PPP2R2B: variants seen among roughly 807,000 people sequenced by gnomAD.
PPP2R2B encodes the protein serine/threonine-protein phosphatase 2A 55 kDa regulatory subunit B beta isoform.
A neutral mutation model predicts 46.0 loss-of-function variants in PPP2R2B; 5 were observed. That is an observed-to-expected ratio of 0.11 (90% confidence interval 0.06 to 0.23). The LOEUF is 0.23. Ranked by LOEUF, PPP2R2B falls within the 10% of genes least tolerant of loss-of-function variation. The probability of loss-of-function intolerance (pLI) is 1.00; values close to 1 mark genes in which losing one functional copy is unlikely to be tolerated. For synonymous variants in PPP2R2B, 215 were observed against 206.7 expected, an observed-to-expected ratio of 1.04 and a Z score of -0.34; for missense variants, 367 against 575.0, an observed-to-expected ratio of 0.64 and a Z score of 3.70.
At chr5:146,885,811 A>C (rs1195340823) in intron 1 of PPP2R2B, among the ~76,000 whole-genome samples, 3 of 152,242 alleles carry the variant, frequency 2.0e-5, no homozygotes, top group Non-Finnish European at 2.9e-5. Flanking sequence ...CGAAGTATTG[A>C]AACATGCCAC....
At chr5:146,911,518 A>G (rs1166646099) in intron 1 of PPP2R2B, among the ~76,000 whole-genome samples, 1 of 152,218 alleles carries the variant, frequency 6.6e-6, no homozygotes, top group Non-Finnish European at 1.5e-5. Context: ...TTGGCAATTT[A>G]TCCTCACCAC....
At chr5:146,628,256 A>AT (rs1774193926) in intron 7 of PPP2R2B, among the ~76,000 whole-genome samples, 1 of 152,164 alleles carries the variant, frequency 6.6e-6, no homozygotes, top group Non-Finnish European at 1.5e-5. Context: ...AACATCTCAG[A>AT]TTTTAAGGTC....
chr5:147,081,129 C>G, exon 2 of PPP2R2B: 1 of 1,535,620 alleles, frequency 6.5e-7, no homozygotes, highest in South Asian at 1.2e-5. Flanking sequence ...GGGTGAGTGT[C>G]CCAATTCCTG....
intron 5 of PPP2R2B, among the ~76,000 whole-genome samples, chr5:146,657,799 A>G (rs1311356133): frequency 1.3e-5 from 2 of 152,168 alleles, no homozygotes; most frequent in South Asian, 2.1e-4. Flanking sequence ...ATTGCTGTCA[A>G]TTTAAATCCA....
At chr5:146,921,181 A>T (rs1582431068) in intron 1 of PPP2R2B, among the ~76,000 whole-genome samples, 1 of 152,058 alleles carries the variant, frequency 6.6e-6, no homozygotes, top group African/African-American at 2.4e-5. Context: ...ATTTTGAAAA[A>T]CCCCATAAAG....
At chr5:146,675,645 T>C (rs766565750) in intron 5 of PPP2R2B, among the ~76,000 whole-genome samples, 4 of 152,212 alleles carry the variant, frequency 2.6e-5, no homozygotes, top group Non-Finnish European at 5.9e-5. Flanking sequence ...TAAATGCTGT[T>C]AGCAAATGCC....
intron 2 of PPP2R2B, among the ~76,000 whole-genome samples, chr5:146,820,940 C>G (rs899892708): frequency 7.2e-5 from 11 of 152,078 alleles, no homozygotes; most frequent in African/African-American, 2.4e-4. Context: ...CACGCCATGC[C>G]CTCTGCACTG....
At chr5:146,795,976 C>A (rs1033357195) in intron 2 of PPP2R2B, among the ~76,000 whole-genome samples, 1 of 152,066 alleles carries the variant, frequency 6.6e-6, no homozygotes, top group African/African-American at 2.4e-5. Context: ...TATAAACATG[C>A]CTGCATATAG....
chr5:147,065,283 T>A, intron 2 of PPP2R2B, among the ~76,000 whole-genome samples: 1 of 152,004 alleles, frequency 6.6e-6, no homozygotes, highest in East Asian at 1.9e-4. Flanking sequence ...ACACTGAGAT[T>A]TGAATGATGA....
intron 2 of PPP2R2B, among the ~76,000 whole-genome samples, chr5:146,869,630 G>T (rs1315998298): frequency 1.3e-5 from 2 of 152,314 alleles, no homozygotes; most frequent in African/African-American, 4.8e-5. Flanking sequence ...TGGCTCTGAG[G>T]AAGTCTACCA....
Position 146,589,775 on chromosome 5 carries a change from AG to A in PPP2R2B, c.*171del, listed in dbSNP as rs1351784664. 9.2e-5 allele frequency: 65 copies of A among 704,304 alleles called. 1 individual carries two copies. The highest frequency in any genetic ancestry group is 4.3e-4 in the South Asian group (22 of 51,330). The allele number at this position is 704,304 out of a possible 1,614,324, so 43.6% of individuals were successfully genotyped here. The stretch of plus-strand genomic sequence containing the variant: ...TCCCAAACCTATTGGGTTTGACAAA[AG>A]TTTCTTAGAACTGGGGAGCTGGGAA... On this transcript the variant is annotated 3_prime_UTR_variant, in exon 10 of 10. Transcript: ENST00000394411.
At chr5:146,753,421 G>A (rs538709708) in intron 2 of PPP2R2B, among the ~76,000 whole-genome samples, 34 of 152,310 alleles carry the variant, frequency 2.2e-4, no homozygotes, top group African/African-American at 7.7e-4. Flanking sequence ...ATAAATAAGT[G>A]CTGGTTGCCT....
chr5:147,031,027 G>C (rs916459880), intron 1 of PPP2R2B, among the ~76,000 whole-genome samples: 1 of 152,084 alleles, frequency 6.6e-6, no homozygotes, highest in Non-Finnish European at 1.5e-5. Flanking sequence ...ACGAGGTCAG[G>C]AGATCGAGAC....
intron 7 of PPP2R2B, among the ~76,000 whole-genome samples, chr5:146,605,290 C>A (rs1208046560): frequency 6.6e-6 from 1 of 152,226 alleles, no homozygotes; most frequent in Non-Finnish European, 1.5e-5. Flanking sequence ...TGTCAACTCT[C>A]TGACCCTGTT....
At chr5:146,947,731 C>T (rs964864868) in intron 1 of PPP2R2B, among the ~76,000 whole-genome samples, 2 of 151,850 alleles carry the variant, frequency 1.3e-5, no homozygotes, top group African/African-American at 4.8e-5. Context: ...CCTTTCTCAC[C>T]ACTGTCCTTT....
At chr5:146,862,866 A>G (rs1462589224) in intron 2 of PPP2R2B, among the ~76,000 whole-genome samples, 1 of 151,538 alleles carries the variant, frequency 6.6e-6, no homozygotes, top group Non-Finnish European at 1.5e-5. Context: ...TTGGAAAAAA[A>G]AAAAAAAAAA....
At chr5:146,595,240 C>T (rs1054173369) in intron 8 of PPP2R2B, among the ~76,000 whole-genome samples, 2 of 152,154 alleles carry the variant, frequency 1.3e-5, no homozygotes, top group Non-Finnish European at 2.9e-5. Context: ...AGGCTGTGTC[C>T]TGCCCTTACA....
chr5:146,820,049 G>A (rs1758162235), intron 2 of PPP2R2B, among the ~76,000 whole-genome samples: 1 of 152,122 alleles, frequency 6.6e-6, no homozygotes, highest in Admixed American at 6.5e-5. Context: ...GTAGAATTGT[G>A]GTTACCAGAA....
chr5:146,972,045 A>C (rs1253919541), intron 1 of PPP2R2B, among the ~76,000 whole-genome samples: 1 of 152,146 alleles, frequency 6.6e-6, no homozygotes, highest in African/African-American at 2.4e-5. Context: ...GCAATATTGC[A>C]TTTTAGTCAT....
Sources: gnomAD v4.1 joint callset for allele counts (sites outside exome capture counted in the v4.1 genomes callset) on GRCh38, gnomAD v4.1.1 for gene constraint, MANE v1.5 for transcripts, NCBI Gene and HGNC (gene_info 2026-07-23, HGNC 2026-07-21) for gene names.